SLC39A10: variants seen among roughly 807,000 people sequenced by gnomAD.
The protein encoded by SLC39A10 is zinc transporter ZIP10.
SLC39A10 carries 13 observed loss-of-function variants against 65.1 expected under a neutral mutation model. The observed-to-expected ratio is 0.20, with a 90% CI of 0.13 to 0.32. The LOEUF is 0.32. Among genes scored for constraint, SLC39A10 ranks in the 10% least tolerant of loss-of-function variants. The pLI is 1.00. For synonymous variants in SLC39A10, 321 were observed against 342.2 expected, an observed-to-expected ratio of 0.94 and a Z score of 0.68; for missense variants, 831 against 1,018.4, an observed-to-expected ratio of 0.82 and a Z score of 2.50.
At chr2:195,645,868 A>T (rs537128592) in intron 2 of SLC39A10, among the ~76,000 whole-genome samples, 1 of 152,250 alleles carries the variant, frequency 6.6e-6, no homozygotes, top group Non-Finnish European at 1.5e-5. Flanking sequence ...GGTACTGAAA[A>T]TGAAGCTTAA....
rs539638234 is a variant in SLC39A10, at chr2:195,667,831, A to G, written c.-12+10550A>G. Among the ~76,000 whole-genome samples, 37 of 152,340 alleles carry G rather than the reference A, an allele frequency of 2.4e-4. 1 individual carries two copies. Among genetic ancestry groups the G allele is most frequent in the East Asian group, 7.7e-4 (4 of 5,190 alleles). On this transcript the variant is annotated intron_variant, in intron 1 of 9. Transcript: ENST00000359634. ...TTTAATGGATATACGAGAAGTAGGG[A>G]CAGAACTCAATTTATATTATTAATA...
chr2:195,729,028 A>G (rs1329415898), intron 9 of SLC39A10, among the ~76,000 whole-genome samples: 1 of 150,968 alleles, frequency 6.6e-6, no homozygotes, highest in East Asian at 1.9e-4. Context: ...GCTGGAGTAC[A>G]GTGGCATGAA....
chr2:195,655,437 T>G (rs921273500), upstream of SLC39A10, among the ~76,000 whole-genome samples: 6 of 152,234 alleles, frequency 3.9e-5, no homozygotes, highest in South Asian at 2.1e-4. Flanking sequence ...GTTATGTATG[T>G]TTTAAGGGTG....
Position 195,715,286 on chromosome 2 carries a change from G to A in SLC39A10, c.1697-1351G>A, listed in dbSNP as rs552726693. Among the ~76,000 whole-genome samples the A allele has an allele frequency of 1.5e-3, 230 of 152,040 alleles. 1 individual carries two copies. The highest frequency in any genetic ancestry group is 5.4e-3 in the African/African-American group (223 of 41,516). On this transcript the variant is annotated intron_variant, in intron 6 of 9. Transcript: ENST00000359634. ...CTCACGCCTGTCATCCCGGCACTTT[G>A]GGAGGCCAAGGTGGGCAGATCAAGA... is the stretch of plus-strand genomic sequence containing the variant.
At chr2:195,652,207 T>C (rs1433552614), upstream of SLC39A10, among the ~76,000 whole-genome samples, 1 of 152,012 alleles carries the variant, frequency 6.6e-6, no homozygotes, top group East Asian at 1.9e-4. Flanking sequence ...AGTGTCTGGG[T>C]TAAGATAAGG....
At chr2:195,718,050 T>C (rs1691881498) in intron 7 of SLC39A10, among the ~76,000 whole-genome samples, 1 of 152,226 alleles carries the variant, frequency 6.6e-6, no homozygotes, top group South Asian at 2.1e-4. Context: ...ATATTGCTTT[T>C]ATTGAATAGC....
chr2:195,714,206 C>T lies in SLC39A10; in HGVS notation c.1696+653C>T, dbSNP rs565038797. On this transcript the variant is annotated intron_variant, in intron 6 of 9. Coordinates refer to ENST00000359634, the MANE Select transcript of SLC39A10 (RefSeq NM_020342.3). The stretch of plus-strand genomic sequence containing the variant: ...TCGGCCTCCCAAAGTGCTGGGATTA[C>T]AGGAGTGAGCCACCGCGCCCGGCCG... 4.3e-4 allele frequency among the ~76,000 whole-genome samples: 66 copies of T among 152,282 alleles called. 1 individual carries two copies. Among genetic ancestry groups the T allele is most frequent in the African/African-American group, 1.4e-3 (59 of 41,570 alleles).
intron 5 of SLC39A10, among the ~76,000 whole-genome samples, chr2:195,709,357 A>G (rs185357586): frequency 6.6e-6 from 1 of 152,188 alleles, no homozygotes; most frequent in Non-Finnish European, 1.5e-5. Context: ...TCGGCCTCCT[A>G]AGTGGGTAGG....
rs1188373301 is a variant in SLC39A10 at position 195,710,984 on chromosome 2, T to C, written c.1575+2140T>C. Among the ~76,000 whole-genome samples, 4 of 152,102 alleles carry C rather than the reference T, an allele frequency of 2.6e-5. No homozygotes were observed. The East Asian group carries it at 7.7e-4, about 29-fold the overall frequency. On this transcript the variant is annotated intron_variant, in intron 5 of 9. Transcript: ENST00000359634. ...AGAGGTGGTGGGGCTTGAGTGAGGG[T>C]CATGGCAGAAGAAATAGGAGAGGAA...
At chr2:195,660,877 G>A (rs1035612179) in intron 1 of SLC39A10, among the ~76,000 whole-genome samples, 3 of 151,978 alleles carry the variant, frequency 2.0e-5, no homozygotes, top group African/African-American at 7.2e-5. Flanking sequence ...GTATTGCTTT[G>A]ACTGTACTGA....
At chr2:195,721,086 C>T (rs147507311) in intron 8 of SLC39A10, among the ~76,000 whole-genome samples, 5 of 152,124 alleles carry the variant, frequency 3.3e-5, no homozygotes, top group African/African-American at 9.6e-5. Flanking sequence ...GGACTACAGG[C>T]GTGCACCACC....
chr2:195,735,075 G>A lies in SLC39A10; in HGVS notation c.*34G>A, dbSNP rs1224501881. The A allele has an allele frequency of 5.0e-6, 8 of 1,592,640 alleles. No individual in the cohort carries two copies. Among genetic ancestry groups the A allele is most frequent in the East Asian group, 2.2e-5 (1 of 44,520 alleles). ...AGTAATCACTGTTGATTACGAGAAT[G>A]TTACCATGCAGCTTTGCATCTGTTC... is the stretch of plus-strand genomic sequence containing the variant. On this transcript the variant is annotated 3_prime_UTR_variant, in exon 10 of 10. Transcript: ENST00000359634.
At chr2:195,722,872 A>G (rs1185968803) in intron 8 of SLC39A10, among the ~76,000 whole-genome samples, 1 of 152,220 alleles carries the variant, frequency 6.6e-6, no homozygotes, top group Non-Finnish European at 1.5e-5. Context: ...TTACATTGCA[A>G]TACATGGAGA....
At chr2:195,717,896 G>A (rs966658408) in intron 7 of SLC39A10, among the ~76,000 whole-genome samples, 1 of 152,178 alleles carries the variant, frequency 6.6e-6, no homozygotes, top group African/African-American at 2.4e-5. Flanking sequence ...AAAGATCAAT[G>A]TGAGAGAGCA....
intron 2 of SLC39A10, among the ~76,000 whole-genome samples, chr2:195,633,461 CT>C (rs1688634324): frequency 6.6e-6 from 1 of 152,254 alleles, no homozygotes; most frequent in African/African-American, 2.4e-5. Flanking sequence ...TTTTTGCCAT[CT>C]GCAGACAGGC....
At chr2:195,691,587 G>A (rs543960675) in intron 3 of SLC39A10, among the ~76,000 whole-genome samples, 1 of 152,188 alleles carries the variant, frequency 6.6e-6, no homozygotes, top group African/African-American at 2.4e-5. Context: ...ATCACATTGC[G>A]GTTTTGATTT....
chr2:195,716,567 A>G (rs1691816894), intron 6 of SLC39A10, 70 bp from the exon 7 acceptor site: 1 of 424,822 alleles, frequency 2.4e-6, no homozygotes, highest in East Asian at 4.8e-5. Context: ...TTGCACTGCT[A>G]TTCTGTTTAA....
intron 6 of SLC39A10, among the ~76,000 whole-genome samples, chr2:195,715,994 T>A (rs1399493208): frequency 2.9e-4 from 44 of 152,232 alleles, no homozygotes; most frequent in Admixed American, 2.9e-3. Flanking sequence ...CAGTCAACAC[T>A]ACAGTTAGTA....
chr2:195,657,677 G>A (rs561076876), intron 1 of SLC39A10: 1 of 972,164 alleles, frequency 1.0e-6, no homozygotes, highest in Non-Finnish European at 1.2e-6. Flanking sequence ...CGGCGGTTAG[G>A]GGGCTGCGCG....
Sources: allele counts gnomAD v4.1 joint callset (sites outside exome capture counted in the v4.1 genomes callset), GRCh38; gene constraint gnomAD v4.1.1; transcripts MANE v1.5; gene names NCBI Gene and HGNC (gene_info 2026-07-23, HGNC 2026-07-21).